The following EXOC2 variants were observed in gnomAD, a reference collection of about 807,000 sequenced individuals.
The protein encoded by EXOC2 is SEC5-like 1.
A neutral mutation model predicts 131.8 loss-of-function variants in EXOC2; 70 were observed. The ratio of observed to expected loss-of-function variants is 0.53; its 90% CI spans 0.44 to 0.65. The LOEUF is 0.65. Ranked by LOEUF, EXOC2 falls within the 30% of genes least tolerant of loss-of-function variation. The pLI is 0.00. For synonymous variants in EXOC2, 411 were observed against 398.4 expected (o/e 1.03, Z -0.38); for missense variants, 923 against 1,108.6 (o/e 0.83, Z 2.38).
At chr6:529,300 C>T (rs930864969) in intron 23 of EXOC2, among the ~76,000 whole-genome samples, 26 of 152,236 alleles carry the variant, frequency 1.7e-4, no homozygotes, top group Admixed American at 1.3e-3. Flanking sequence ...AAAGACCTGC[C>T]TTTCACCTGA....
At chr6:635,022 A>G (rs1762037364) in intron 2 of EXOC2, among the ~76,000 whole-genome samples, 1 of 152,202 alleles carries the variant, frequency 6.6e-6, no homozygotes, top group South Asian at 2.1e-4. Context: ...GACAGTAGGT[A>G]TTTTGGTATC....
At chr6:562,586 G>T (rs1406963694) in intron 17 of EXOC2, among the ~76,000 whole-genome samples, 198 bp downstream of exon 17, 1 of 152,206 alleles carries the variant, frequency 6.6e-6, no homozygotes, top group Non-Finnish European at 1.5e-5. Context: ...AAGTCTAAAA[G>T]AAACGCATTG....
chr6:587,730 G>A lies in EXOC2; in HGVS notation c.1192+4739C>T, dbSNP rs570863043. ...GCCGCATTTCATTTACCATTTGCCT[G>A]TGCACTGAGTATCAGCTCAAGGGCA... On this transcript the variant is annotated intron_variant, in intron 11 of 27. Coordinates refer to ENST00000230449, the MANE Select transcript of EXOC2 (RefSeq NM_018303.6). Among the ~76,000 whole-genome samples the A allele has an allele frequency of 2.8e-4, 43 of 152,298 alleles. 2 individuals carry two copies. The South Asian group carries it at 8.9e-3, about 32-fold the overall frequency.
intron 24 of EXOC2, among the ~76,000 whole-genome samples, 157 bp downstream of exon 24, chr6:499,484 GAGAC>G (rs1239710134): frequency 4.7e-5 from 7 of 149,894 alleles, no homozygotes; most frequent in African/African-American, 9.8e-5. Context: ...GAGACAGAGA[GAGAC>G]AGACAGTGCG....
At chr6:636,747 G>A (rs968036510) in intron 2 of EXOC2, among the ~76,000 whole-genome samples, 2 of 152,102 alleles carry the variant, frequency 1.3e-5, no homozygotes, top group South Asian at 4.1e-4. Context: ...GCACAGAGAG[G>A]GGCCTTTCCC....
chr6:612,137 A>T (rs1366865112), intron 6 of EXOC2, among the ~76,000 whole-genome samples: 2 of 152,238 alleles, frequency 1.3e-5, no homozygotes, highest in Non-Finnish European at 2.9e-5. Context: ...AGCCTGTGTG[A>T]GACAGGAATA....
At chr6:621,490 G>A (rs1301454373) in intron 4 of EXOC2, among the ~76,000 whole-genome samples, 1 of 152,230 alleles carries the variant, frequency 6.6e-6, no homozygotes, top group African/African-American at 2.4e-5. Flanking sequence ...AATGCCTACT[G>A]CGTGAGCATC....
chr6:513,589 T>C (rs564029567), intron 23 of EXOC2, among the ~76,000 whole-genome samples: 2 of 152,374 alleles, frequency 1.3e-5, no homozygotes, highest in South Asian at 2.1e-4. Context: ...AAAAGTCACA[T>C]GCATTCTATG....
At chr6:678,058 C>T (rs759858567) in intron 1 of EXOC2, among the ~76,000 whole-genome samples, 4 of 152,084 alleles carry the variant, frequency 2.6e-5, no homozygotes, top group African/African-American at 4.8e-5. Context: ...TCAGTGTGAC[C>T]GTGAGCACGC....
chr6:509,889 C>A lies in EXOC2; in HGVS notation c.2381-10189G>T, dbSNP rs1475767386. Among the ~76,000 whole-genome samples the A allele has an allele frequency of 2.6e-5, 4 of 152,266 alleles. No homozygotes were observed. The East Asian group carries it at 5.8e-4, about 22-fold the overall frequency. On this transcript the variant is annotated intron_variant, in intron 23 of 27. Coordinates refer to ENST00000230449, the MANE Select transcript of EXOC2 (RefSeq NM_018303.6). The stretch of plus-strand genomic sequence containing the variant: ...CTGGAGATACTACCTACTGTATAAA[C>A]CACATTTCCTGTTTTTAACCCCTAT...
At chr6:514,294 G>T (rs1765014519) in intron 23 of EXOC2, among the ~76,000 whole-genome samples, 1 of 152,216 alleles carries the variant, frequency 6.6e-6, no homozygotes, top group African/African-American at 2.4e-5. Flanking sequence ...AAGCTGCCCT[G>T]TAAGTATTCT....
intron 6 of EXOC2, among the ~76,000 whole-genome samples, chr6:615,336 G>T (rs1380935649): frequency 6.6e-6 from 1 of 152,026 alleles, no homozygotes; most frequent in African/African-American, 2.4e-5. Flanking sequence ...CTCCTGCCTG[G>T]TGTGATGAAA....
chr6:613,570 A>G (rs1760825030), intron 6 of EXOC2, among the ~76,000 whole-genome samples: 1 of 152,252 alleles, frequency 6.6e-6, no homozygotes, highest in African/African-American at 2.4e-5. Flanking sequence ...CAATGTTTCC[A>G]TAACCATCTT....
chr6:545,310 A>C (rs1756788688), intron 22 of EXOC2, among the ~76,000 whole-genome samples: 2 of 152,188 alleles, frequency 1.3e-5, no homozygotes, highest in African/African-American at 4.8e-5. Context: ...AGTATTTTAT[A>C]TATGTAAAAG....
intron 4 of EXOC2, among the ~76,000 whole-genome samples, chr6:625,518 CTTTTTTTTTTTTTT>C (rs796295514): frequency 9.3e-6 from 1 of 108,058 alleles, no homozygotes; most frequent in African/African-American, 3.3e-5. Context: ...TGTTTCCGTT[CTTTTTTTTTTTTTT>C]TTTTTTTTGT....
intron 1 of EXOC2, among the ~76,000 whole-genome samples, chr6:654,826 A>AAAAAAAAAAAAG (rs1440695676): frequency 7.0e-6 from 1 of 142,760 alleles, no homozygotes; most frequent in Non-Finnish European, 1.5e-5. Flanking sequence ...AAAAAAAAAA[A>AAAAAAAAAAAAG]AAAAAAAAAA....
chr6:649,593 A>G (rs1213560839), intron 1 of EXOC2, among the ~76,000 whole-genome samples: 1 of 152,240 alleles, frequency 6.6e-6, no homozygotes, highest in African/African-American at 2.4e-5. Flanking sequence ...CTGGACCCGA[A>G]TGGGGATAAC....
rs549483583 is a variant in EXOC2, at chr6:557,828, G to T, written c.1852-1264C>A. 1.5e-4 allele frequency among the ~76,000 whole-genome samples: 23 copies of T among 152,158 alleles called. 1 individual carries two copies. The South Asian group carries it at 4.6e-3, about 30-fold the overall frequency. On this transcript the variant is annotated intron_variant, in intron 17 of 27. Coordinates refer to ENST00000230449, the MANE Select transcript of EXOC2 (RefSeq NM_018303.6). ...GACAGTGTACCCACCCCGCAGAGTG[G>T]GCAAGAAACCACTGGGAAAGCAGGA...
intron 12 of EXOC2, among the ~76,000 whole-genome samples, chr6:575,792 G>A (rs1239390320): frequency 6.6e-6 from 1 of 152,184 alleles, no homozygotes; most frequent in Non-Finnish European, 1.5e-5. Flanking sequence ...AAAGATCTCA[G>A]CTCCTCTGTG....
Sources: gnomAD v4.1 joint callset for allele counts (sites outside exome capture counted in the v4.1 genomes callset) on GRCh38, gnomAD v4.1.1 for gene constraint, MANE v1.5 for transcripts, NCBI Gene and HGNC (gene_info 2026-07-23, HGNC 2026-07-21) for gene names.